Variants in CDH4 observed in about 807,000 individuals in gnomAD.
CDH4 encodes the protein cadherin-4.
Under a neutral mutation model 86.0 loss-of-function variants are expected in CDH4, and 33 were observed. That is an observed-to-expected ratio of 0.38 (90% confidence interval 0.29 to 0.51). The LOEUF is 0.51. Among genes scored for constraint, CDH4 ranks in the 20% least tolerant of loss-of-function variants. CDH4 has a pLI of 0.86. For missense variants in CDH4, 1,114 were observed against 1,307.4 expected (o/e 0.85, Z 2.28); for synonymous variants, 555 against 549.4 (o/e 1.01, Z -0.14).
At chr20:61,645,403 G>T (rs2087051043) in intron 2 of CDH4, among the ~76,000 whole-genome samples, 1 of 152,134 alleles carries the variant, frequency 6.6e-6, no homozygotes, top group Non-Finnish European at 1.5e-5. Flanking sequence ...GAGGTGGGAG[G>T]ATCACTTGAG....
At chr20:61,769,365 C>CCCAG (rs2088747020) in intron 3 of CDH4, among the ~76,000 whole-genome samples, 1 of 152,238 alleles carries the variant, frequency 6.6e-6, no homozygotes, top group Non-Finnish European at 1.5e-5. Flanking sequence ...GAGCTCAGAC[C>CCCAG]TGTTTCTCCC....
At chr20:61,503,319 A>G (rs150883765) in intron 2 of CDH4, among the ~76,000 whole-genome samples, 1 of 152,232 alleles carries the variant, frequency 6.6e-6, no homozygotes, top group African/African-American at 2.4e-5. Context: ...TAGATCTTCA[A>G]TCAGCTGCTC....
intron 2 of CDH4, among the ~76,000 whole-genome samples, chr20:61,682,418 G>A (rs2087526346): frequency 7.1e-6 from 1 of 140,522 alleles, no homozygotes; most frequent in Admixed American, 7.0e-5. Flanking sequence ...AGGGACAGAT[G>A]GAAGGATGGA....
intron 2 of CDH4, among the ~76,000 whole-genome samples, chr20:61,554,904 C>T (rs2086164948): frequency 1.3e-5 from 2 of 152,168 alleles, no homozygotes; most frequent in Non-Finnish European, 1.5e-5. Flanking sequence ...TGTATGTGTG[C>T]AGACATGTAC....
Position 61,826,244 on chromosome 20 carries a change from C to G in CDH4, c.577-18424C>G, listed in dbSNP as rs558829162. ...CTTGGGCATAACCTACTCCCATTTC[C>G]TATGAACTTTCTCCTTGCTTGCTCC... On this transcript the variant is annotated intron_variant, in intron 4 of 15. Coordinates refer to ENST00000614565, the MANE Select transcript of CDH4 (RefSeq NM_001794.5). Among the ~76,000 whole-genome samples, 8 of 152,326 alleles carry G rather than the reference C, an allele frequency of 5.3e-5. No individual in the cohort carries two copies. The South Asian group carries it at 8.3e-4, about 16-fold the overall frequency.
intron 6 of CDH4, among the ~76,000 whole-genome samples, chr20:61,868,528 A>T (rs1037019777): frequency 1.3e-5 from 2 of 152,108 alleles, no homozygotes; most frequent in African/African-American, 4.8e-5. Context: ...CAACTCCCAA[A>T]CCCACAACAG....
chr20:61,371,193 GC>G (rs956243127), intron 2 of CDH4, among the ~76,000 whole-genome samples: 62 of 152,334 alleles, frequency 4.1e-4, no homozygotes, highest in African/African-American at 1.3e-3. Context: ...GACTGGTTTG[GC>G]CCTGGACTGT....
At chr20:61,453,333 C>A (rs985092144) in intron 2 of CDH4, among the ~76,000 whole-genome samples, 8 of 152,270 alleles carry the variant, frequency 5.3e-5, no homozygotes, top group South Asian at 4.1e-4. Flanking sequence ...TTTGAAGATG[C>A]AAGTTCCTGT....
chr20:61,700,304 T>C (rs1469201324), intron 2 of CDH4, among the ~76,000 whole-genome samples: 1 of 152,228 alleles, frequency 6.6e-6, no homozygotes, highest in Non-Finnish European at 1.5e-5. Flanking sequence ...GTTTTTTCAC[T>C]GTCAGCCGTT....
At chr20:61,670,259 C>G (rs1468874733) in intron 2 of CDH4, among the ~76,000 whole-genome samples, 1 of 152,226 alleles carries the variant, frequency 6.6e-6, no homozygotes, top group Non-Finnish European at 1.5e-5. Flanking sequence ...CAGGCAGGTC[C>G]TCACCCCCAT....
chr20:61,565,202 G>C (rs1293926490), intron 2 of CDH4, among the ~76,000 whole-genome samples: 2 of 42,234 alleles, frequency 4.7e-5, no homozygotes, highest in Non-Finnish European at 9.4e-5. Flanking sequence ...CTTGGTGGTG[G>C]TCGCGGTGCT....
At chr20:61,271,082 A>G (rs957977734) in intron 2 of CDH4, among the ~76,000 whole-genome samples, 3 of 152,136 alleles carry the variant, frequency 2.0e-5, no homozygotes, top group African/African-American at 7.2e-5. Flanking sequence ...AGAATCCCTG[A>G]CATTAGAATG....
intron 2 of CDH4, among the ~76,000 whole-genome samples, chr20:61,627,186 G>C (rs1297911533): frequency 6.6e-6 from 1 of 152,176 alleles, no homozygotes; most frequent in Non-Finnish European, 1.5e-5. Flanking sequence ...ACCCGTTCCA[G>C]GGGTGTGTCC....
At chr20:61,500,204 A>G (rs988617060) in intron 2 of CDH4, among the ~76,000 whole-genome samples, 4 of 152,184 alleles carry the variant, frequency 2.6e-5, no homozygotes, top group Admixed American at 2.6e-4. Context: ...TTTGTCAAAT[A>G]ATGGAAGTAT....
intron 2 of CDH4, among the ~76,000 whole-genome samples, chr20:61,612,278 T>C (rs2086691236): frequency 6.6e-6 from 1 of 152,168 alleles, no homozygotes; most frequent in South Asian, 2.1e-4. Context: ...CAATACATCA[T>C]TATAACCTGT....
chr20:61,408,541 C>G (rs1385522155), intron 2 of CDH4, among the ~76,000 whole-genome samples: 1 of 152,196 alleles, frequency 6.6e-6, no homozygotes, highest in Non-Finnish European at 1.5e-5. Context: ...AGCTACCCTC[C>G]TCCAGATGTT....
chr20:61,614,987 A>C (rs998981493), intron 2 of CDH4, among the ~76,000 whole-genome samples: 1 of 152,132 alleles, frequency 6.6e-6, no homozygotes, highest in African/African-American at 2.4e-5. Context: ...CACCCACCCC[A>C]GAACACCAGA....
At chr20:61,863,739 AGAG>A (rs201417937) in intron 6 of CDH4, among the ~76,000 whole-genome samples, 2,104 of 152,332 alleles carry the variant, frequency 0.014, 25 homozygotes, top group Non-Finnish European at 0.022. Flanking sequence ...CTCTAGGTGC[AGAG>A]GAGGAGCCGA....
chr20:61,647,543 CT>C (rs2087075652), intron 2 of CDH4, among the ~76,000 whole-genome samples: 1 of 103,636 alleles, frequency 9.6e-6, no homozygotes, highest in African/African-American at 3.5e-5. Context: ...CCCTCTCCCT[CT>C]CCCTCTCCCT....
Sources: allele counts gnomAD v4.1 joint callset (sites outside exome capture counted in the v4.1 genomes callset), GRCh38; gene constraint gnomAD v4.1.1; transcripts MANE v1.5; gene names NCBI Gene and HGNC (gene_info 2026-07-23, HGNC 2026-07-21).